TFAP2A: variants seen among roughly 807,000 people sequenced by gnomAD.
The protein encoded by TFAP2A is transcription factor AP-2 alpha, also known as transcription factor AP-2-alpha.
In TFAP2A, 7 loss-of-function variants were observed where a neutral mutation model predicts 41.5. The ratio of observed to expected loss-of-function variants is 0.17; its 90% CI spans 0.10 to 0.32. The LOEUF (loss-of-function observed/expected upper bound fraction) is 0.32, where lower values mean the gene tolerates loss of function less well. TFAP2A is among the 10% of genes least tolerant of loss of function. The probability of loss-of-function intolerance (pLI) is 1.00; values close to 1 mark genes in which losing one functional copy is unlikely to be tolerated. For missense variants in TFAP2A, 416 were observed against 563.3 expected, an observed-to-expected ratio of 0.74 and a Z score of 2.65; for synonymous variants, 247 against 242.8, an observed-to-expected ratio of 1.02 and a Z score of -0.16.
upstream of TFAP2A, chr6:10,419,318 G>T: frequency 2.8e-6 from 4 of 1,430,738 alleles, no homozygotes; most frequent in South Asian, 1.2e-5. Flanking sequence ...CGACTCCCCT[G>T]CCCTGGGCCA....
In TFAP2A at chr6:10,397,999, AT is replaced by A. The variant is rs560622395; in HGVS notation, c.*417del. The A allele has an allele frequency of 4.4e-5, 47 of 1,063,268 alleles. No homozygotes were observed. The highest frequency in any genetic ancestry group is 8.1e-5 in the East Asian group (1 of 12,418). 65.9% of individuals were successfully genotyped at this position (1,063,268 alleles called of 1,614,324 possible). On this transcript the variant is annotated 3_prime_UTR_variant, in exon 7 of 7. Transcript: ENST00000379613. ...GACTCAGTCCCATGAAGCGCATATAATTTTTTTTATTTTCACTTTTTTTTTA... is the reference window on the plus strand; with the variant it reads ...GACTCAGTCCCATGAAGCGCATATAATTTTTTTATTTTCACTTTTTTTTTA...
chr6:10,402,259 G>A (rs1762037520), intron 5 of TFAP2A: 1 of 611,132 alleles, frequency 1.6e-6, no homozygotes, highest in Non-Finnish European at 3.1e-6. Context: ...CTCAGAATTA[G>A]GCTGGGGAGG....
chr6:10,406,532 C>G (rs981759216), intron 3 of TFAP2A: 2 of 533,908 alleles, frequency 3.7e-6, no homozygotes, highest in African/African-American at 3.8e-5. Flanking sequence ...AGTTCAACTA[C>G]TGTACATTTT....
chr6:10,408,296 GT>G (rs1757805684), intron 2 of TFAP2A, among the ~76,000 whole-genome samples: 1 of 152,174 alleles, frequency 6.6e-6, no homozygotes, highest in Non-Finnish European at 1.5e-5. Flanking sequence ...GGGTTTCCTT[GT>G]TTTTGTTTAA....
chr6:10,409,867 TG>T (rs1385057786), intron 2 of TFAP2A, 33 bp downstream of exon 2: 1 of 1,546,878 alleles, frequency 6.5e-7, no homozygotes, highest in Non-Finnish European at 8.7e-7. Context: ...TAGGGGGCTG[TG>T]TTCCCTCCCG....
rs1377549684 is a variant in TFAP2A, at chr6:10,398,375, G to A, written c.*42C>T. ...CACCCGCCGGAGGGTGGGCGCGCGG[G>A]GGGCTGGTGAGGCGTGGGAGGGGCG... On this transcript the variant is annotated 3_prime_UTR_variant, in exon 7 of 7. Transcript: ENST00000379613. The surrounding 1 kb of genome is among the most constrained non-coding windows in gnomAD (Gnocchi z 5.3). The A allele has an allele frequency of 1.2e-6, 2 of 1,611,030 alleles. No individual in the cohort carries two copies. The highest frequency in any genetic ancestry group is 1.7e-5 in the Admixed American group (1 of 59,986).
chr6:10,400,561 A>G lies in TFAP2A; in HGVS notation c.918T>C (p.Phe306=), dbSNP rs369463773. 4.6e-5 allele frequency: 75 copies of G among 1,614,086 alleles called. No individual in the cohort carries two copies. The highest frequency in any genetic ancestry group is 5.8e-5 in the Non-Finnish European group (68 of 1,180,052). ...EGEAVHLARD[F]GYVCETEFPA... Reference sequence around the variant, plus strand: ...GAAATTCGGTTTCGCACACGTACCCAAAGTCCCTGGCTAGGTGGACAGCTT... The same window carrying G: ...GAAATTCGGTTTCGCACACGTACCCGAAGTCCCTGGCTAGGTGGACAGCTT... The change falls in exon 6 of 7, where the codon TTT becomes TTC. Residue 306 remains phenylalanine, a synonymous_variant. Coordinates refer to ENST00000379613, the MANE Select transcript of TFAP2A (RefSeq NM_001372066.1).
At chr6:10,412,529 G>C (rs868843974) in intron 1 of TFAP2A, 1 of 136,062 alleles carries the variant, frequency 7.3e-6, no homozygotes, top group Non-Finnish European at 1.6e-5. Flanking sequence ...CGCACGGAGG[G>C]GGAGGCCGCG....
intron 5 of TFAP2A, among the ~76,000 whole-genome samples, chr6:10,401,028 C>T (rs997715745): frequency 8.5e-5 from 13 of 152,194 alleles, no homozygotes; most frequent in African/African-American, 2.4e-4. Context: ...TCATCCAAAC[C>T]GATTAACCAA....
At position 10,411,519 on chromosome 6, in the gene TFAP2A, C is replaced by T. The variant is rs370675603; in HGVS notation, c.52-1184G>A. On this transcript the variant is annotated intron_variant, in intron 1 of 6. Transcript: ENST00000379613. ...CGGGCAGCTCCACGGCACCAGGTTT[C>T]CAGAATCCAATTCCTAAAGAAACAG... 4.8e-5 allele frequency: 77 copies of T among 1,613,100 alleles called. No homozygotes were observed. In the Middle Eastern group the frequency reaches 6.6e-4, roughly 14 times the overall value.
chr6:10,412,101 G>C, intron 1 of TFAP2A: 1 of 995,650 alleles, frequency 1.0e-6, no homozygotes, highest in Non-Finnish European at 1.2e-6. Flanking sequence ...GTGAAGCGGA[G>C]AGGCAACTCG....
At chr6:10,408,565 C>T (rs1757818385) in intron 2 of TFAP2A, among the ~76,000 whole-genome samples, 1 of 152,168 alleles carries the variant, frequency 6.6e-6, no homozygotes, top group Admixed American at 6.5e-5. Flanking sequence ...ATTAGTGCTC[C>T]TCTCACTTCC....
intron 1 of TFAP2A, chr6:10,411,883 A>G (rs1009412767): frequency 5.4e-5 from 70 of 1,297,472 alleles, no homozygotes; most frequent in Non-Finnish European, 6.6e-5. Context: ...AAAAACCCCA[A>G]AAAAGGAAAA....
At chr6:10,413,131 C>T (rs1758073770) in intron 1 of TFAP2A, among the ~76,000 whole-genome samples, 1 of 152,234 alleles carries the variant, frequency 6.6e-6, no homozygotes, top group Admixed American at 6.5e-5. Flanking sequence ...ACAAGCGGCA[C>T]CTCGCCTCCT....
At chr6:10,400,381 A>C in intron 6 of TFAP2A, 67 bp downstream of exon 6, 1 of 1,610,364 alleles carries the variant, frequency 6.2e-7, no homozygotes, top group Non-Finnish European at 8.5e-7. Context: ...GGAAGAGCAA[A>C]AACGATTTTT....
chr6:10,412,278 T>C, intron 1 of TFAP2A: 16 of 985,252 alleles, frequency 1.6e-5, no homozygotes, highest in Middle Eastern at 5.3e-4. Flanking sequence ...GGGCAACATT[T>C]TAAAAGGTTG....
chr6:10,405,561 T>C (rs1757674469), intron 3 of TFAP2A: 1 of 150,584 alleles, frequency 6.6e-6, no homozygotes, highest in South Asian at 2.1e-4. Flanking sequence ...ATAAGCTCTT[T>C]ATTGCTGGAC....
Position 10,414,954 on chromosome 6 carries a change from T to G in TFAP2A, c.38A>C (p.Tyr13Ser), listed in dbSNP as rs745818259. ...CGTCGCGCTTACCTCGCAGTCCTCGTACTTGATATTATCCGTCAATTTCCA... is the reference window on the plus strand; with the variant it reads ...CGTCGCGCTTACCTCGCAGTCCTCGGACTTGATATTATCCGTCAATTTCCA... ...MLWKLTDNIK[Y>S]EDCEDRHDGT... Residue 13 changes from tyrosine to serine, a missense_variant, in exon 1 of 7, where the codon TAC (tyrosine) becomes TCC (serine). Tyr to Ser is a moderately radical substitution (Grantham distance 144). Transcript: ENST00000379613. 1 of 1,613,898 alleles carries G rather than the reference T, an allele frequency of 6.2e-7. No individual in the cohort carries two copies.
At chr6:10,402,844 G>T (rs988406599) in intron 4 of TFAP2A, among the ~76,000 whole-genome samples, 1 of 152,206 alleles carries the variant, frequency 6.6e-6, no homozygotes, top group Non-Finnish European at 1.5e-5. Context: ...CTTGTGGCAG[G>T]TTGGAAGGTT....
Sources: allele counts gnomAD v4.1 joint callset (sites outside exome capture counted in the v4.1 genomes callset), GRCh38; gene constraint gnomAD v4.1.1; non-coding constraint Gnocchi (gnomAD v3.1); transcripts MANE v1.5; gene names NCBI Gene and HGNC (gene_info 2026-07-23, HGNC 2026-07-21).